Variants in RASSF3 observed in about 807,000 individuals in gnomAD.
The protein encoded by RASSF3 is ras association domain-containing protein 3.
A neutral mutation model predicts 19.9 loss-of-function variants in RASSF3; 19 were observed. The ratio of observed to expected loss-of-function variants is 0.96; its 90% CI spans 0.67 to 1.40. RASSF3 has a LOEUF of 1.40. Among genes scored for constraint, RASSF3 ranks in the 40% most tolerant of loss-of-function variants. RASSF3 has a pLI of 0.00. For missense variants in RASSF3, 306 were observed against 289.8 expected (o/e 1.06, Z -0.41); for synonymous variants, 110 against 104.2 (o/e 1.06, Z -0.34).
chr12:64,612,991 C>A (rs1870424554), intron 1 of RASSF3, among the ~76,000 whole-genome samples: 1 of 152,184 alleles, frequency 6.6e-6, no homozygotes, highest in South Asian at 2.1e-4. Context: ...TCCCTTCTAA[C>A]ATAACACATG....
Position 64,688,226 on chromosome 12 carries a change from G to A in RASSF3, c.230G>A (p.Gly77Glu). The A allele has an allele frequency of 6.2e-7, 1 of 1,613,082 alleles. No homozygotes were observed. Among genetic ancestry groups the A allele is most frequent in the African/African-American group, 1.3e-5 (1 of 74,986 alleles). Reference protein sequence around the residue: ...DKLKMTLNSNGIYTGFIKVQM... With the variant: ...DKLKMTLNSNEIYTGFIKVQM... Reference sequence around the variant, plus strand: ...CTCTCCCTGCTTCAGAATTCAAATGGGATTTACACTGGCTTCATTAAAGTA... The same window carrying A: ...CTCTCCCTGCTTCAGAATTCAAATGAGATTTACACTGGCTTCATTAAAGTA... Residue 77 changes from glycine (G) to glutamate (E), a missense_variant, in exon 3 of 5, where the codon GGG becomes GAG. Gly to Glu is a moderately conservative substitution (Grantham distance 98). Coordinates refer to ENST00000542104, the MANE Select transcript of RASSF3 (RefSeq NM_178169.4).
intron 2 of RASSF3, among the ~76,000 whole-genome samples, chr12:64,566,960 C>T (rs1869442792): frequency 6.6e-6 from 1 of 152,192 alleles, no homozygotes; most frequent in Admixed American, 6.5e-5. Flanking sequence ...GTGGGCAAGG[C>T]TGAGACCTTG....
intron 2 of RASSF3, among the ~76,000 whole-genome samples, chr12:64,560,091 G>C (rs1479447298): frequency 6.6e-6 from 1 of 152,176 alleles, no homozygotes; most frequent in Admixed American, 6.5e-5. Flanking sequence ...ACTATGAAAT[G>C]ATGGGCCAGC....
intron 1 of RASSF3, among the ~76,000 whole-genome samples, chr12:64,662,573 A>G (rs969491961): frequency 1.3e-5 from 2 of 152,204 alleles, no homozygotes; most frequent in African/African-American, 4.8e-5. Flanking sequence ...TGTCTCAAAC[A>G]AAGAAACAAA....
intron 2 of RASSF3, among the ~76,000 whole-genome samples, chr12:64,553,568 A>G (rs939570554): frequency 1.3e-5 from 2 of 152,200 alleles, no homozygotes; most frequent in African/African-American, 4.8e-5. Flanking sequence ...TCAGAAGGAG[A>G]CGAGACCTTG....
At chr12:64,688,080 T>A in intron 2 of RASSF3, 136 bp from the exon 3 acceptor site, 2 of 729,560 alleles carry the variant, frequency 2.7e-6, no homozygotes, top group Non-Finnish European at 4.8e-6. Context: ...GGGGGCAATC[T>A]TTAGTGAAGT....
Position 64,613,586 on chromosome 12 carries a change from T to A in RASSF3, c.111+2843T>A, listed in dbSNP as rs557729150. Among the ~76,000 whole-genome samples, 5 of 152,034 alleles carry A rather than the reference T, an allele frequency of 3.3e-5. No individual in the cohort carries two copies. In the South Asian group the frequency reaches 1.0e-3, roughly 32 times the overall value. On this transcript the variant is annotated intron_variant, in intron 1 of 4. Transcript: ENST00000542104. ...AAACCTTATAAAGAAAATGTTTTCATTTTTTTTCTTACTTTAAACCCCATT... is the reference window on the plus strand; with the variant it reads ...AAACCTTATAAAGAAAATGTTTTCAATTTTTTTCTTACTTTAAACCCCATT...
chr12:64,660,368 C>G (rs1872313153), intron 1 of RASSF3, among the ~76,000 whole-genome samples: 1 of 152,054 alleles, frequency 6.6e-6, no homozygotes, highest in South Asian at 2.1e-4. Context: ...CATTCAGGAG[C>G]CACTATACTA....
intron 1 of RASSF3, among the ~76,000 whole-genome samples, chr12:64,667,044 T>C (rs926578332): frequency 4.0e-5 from 6 of 150,598 alleles, no homozygotes; most frequent in African/African-American, 1.2e-4. Flanking sequence ...CGTTAATGGG[T>C]AGGGGAGCCA....
At chr12:64,623,926 G>A (rs2136166742) in intron 1 of RASSF3, among the ~76,000 whole-genome samples, 1 of 152,052 alleles carries the variant, frequency 6.6e-6, no homozygotes, top group Non-Finnish European at 1.5e-5. Context: ...TGGGATTACA[G>A]GGGTGAGCCA....
At chr12:64,688,909 C>T (rs947154218) in intron 3 of RASSF3, among the ~76,000 whole-genome samples, 1 of 152,178 alleles carries the variant, frequency 6.6e-6, no homozygotes, top group Non-Finnish European at 1.5e-5. Context: ...TGCATCACAG[C>T]ACATTTCAGC....
intron 1 of RASSF3, among the ~76,000 whole-genome samples, chr12:64,518,279 A>C (rs1436946627): frequency 6.6e-6 from 1 of 152,184 alleles, no homozygotes; most frequent in Non-Finnish European, 1.5e-5. Context: ...TGCTATAAAG[A>C]AAATACCTGA....
chr12:64,666,399 G>GTCAAC (rs1872540131), intron 1 of RASSF3, among the ~76,000 whole-genome samples: 1 of 152,092 alleles, frequency 6.6e-6, no homozygotes, highest in Non-Finnish European at 1.5e-5. Context: ...GGAGTTCAGA[G>GTCAAC]TGGTTAACTG....
At chr12:64,665,993 G>C (rs1044866756) in intron 1 of RASSF3, among the ~76,000 whole-genome samples, 83 of 152,232 alleles carry the variant, frequency 5.5e-4, no homozygotes, top group African/African-American at 2.0e-3. Context: ...CAAAGGGCAG[G>C]TATTTTTATG....
At chr12:64,507,410 C>G (rs1262963159) in intron 1 of RASSF3, 1 of 397,272 alleles carries the variant, frequency 2.5e-6, no homozygotes, top group African/African-American at 2.1e-5. Context: ...GAGCCTCCCT[C>G]GCATGGGCAG....
intron 1 of RASSF3, among the ~76,000 whole-genome samples, chr12:64,682,682 C>T (rs150567331): frequency 1.4e-3 from 213 of 151,942 alleles, no homozygotes; most frequent in Middle Eastern, 6.8e-3. Context: ...TCTTACTCTA[C>T]GTGGTATTGA....
At chr12:64,553,519 C>T (rs1869200747) in intron 2 of RASSF3, among the ~76,000 whole-genome samples, 1 of 152,296 alleles carries the variant, frequency 6.6e-6, no homozygotes, top group Non-Finnish European at 1.5e-5. Flanking sequence ...GGTCAAAAAA[C>T]ATCTGATGCA....
chr12:64,654,648 G>GAC (rs1872086946), intron 1 of RASSF3: 5 of 83,362 alleles, frequency 6.0e-5, no homozygotes, highest in African/African-American at 2.2e-4. Flanking sequence ...CTTTGCGGGG[G>GAC]GGGGGGGGTG....
At chr12:64,550,116 ATTAAAG>A (rs1457907267) in intron 2 of RASSF3, among the ~76,000 whole-genome samples, 4 of 152,006 alleles carry the variant, frequency 2.6e-5, no homozygotes, top group African/African-American at 9.7e-5. Context: ...TCCCACCTCC[ATTAAAG>A]TTCTCCTTCC....
Sources: gnomAD v4.1 joint callset for allele counts (sites outside exome capture counted in the v4.1 genomes callset) on GRCh38, gnomAD v4.1.1 for gene constraint, MANE v1.5 for transcripts, NCBI Gene and HGNC (gene_info 2026-07-23, HGNC 2026-07-21) for gene names.